Variants in SLC12A2 observed in about 807,000 individuals in gnomAD.
SLC12A2 encodes the protein Na-K-2Cl cotransporter 1.
In SLC12A2, 67 loss-of-function variants were observed where a neutral mutation model predicts 136.3. That is an observed-to-expected ratio of 0.49 (90% CI 0.40 to 0.60). The LOEUF (loss-of-function observed/expected upper bound fraction) is 0.60, where lower values mean the gene tolerates loss of function less well. Ranked by LOEUF, SLC12A2 falls within the 20% of genes least tolerant of loss-of-function variation. The pLI, the probability that SLC12A2 is intolerant of heterozygous loss-of-function variation, is 0.00. For missense variants in SLC12A2, 1,322 were observed against 1,534.7 expected, an observed-to-expected ratio of 0.86 and a Z score of 2.32; for synonymous variants, 619 against 562.9, an observed-to-expected ratio of 1.10 and a Z score of -1.41.
Position 128,148,755 on chromosome 5 carries a change from C to T in SLC12A2, c.1883C>T (p.Ala628Val), listed in dbSNP as rs1416365649. Residue 628 changes from alanine to valine, a missense_variant and splice_region_variant, in exon 12 of 27, where the codon GCT becomes GTT. This residue lies in a region of SLC12A2 where 294 missense variants were observed against 436.6 expected (regional missense o/e 0.67). Coordinates refer to ENST00000262461, the MANE Select transcript of SLC12A2 (RefSeq NM_001046.3). ...SLVSAPKIFQ[A>V]LCKDNIYPAF... is the part of the protein sequence containing the mutation. ...CATTTTAATGTTTTCTTTCATTAGG[C>T]TCTATGTAAGGACAACATCTACCCA... 2.5e-6 allele frequency: 4 copies of T among 1,582,576 alleles called. No individual in the cohort carries two copies. The highest frequency in any genetic ancestry group is 3.4e-6 in the Non-Finnish European group (4 of 1,169,446).
In SLC12A2 at chr5:128,084,523, G is replaced by A. The variant is rs1760000578; in HGVS notation, c.569G>A (p.Gly190Asp). The change falls in exon 1 of 27, where the codon GGC (glycine) becomes GAC (aspartate). Residue 190 changes from glycine to aspartate, a missense_variant. Gly to Asp is a moderately conservative substitution (Grantham distance 94, BLOSUM62 -1). Transcript: ENST00000262461. The surrounding 1 kb of genome is among the most constrained non-coding windows in gnomAD (Gnocchi z 5.6). ...GGCAGCAGCCTGCACTCCGGCGGCGGCGGCGGCAGTGGGCACCACCAGCAC... is the reference window on the plus strand; with the variant it reads ...GGCAGCAGCCTGCACTCCGGCGGCGACGGCGGCAGTGGGCACCACCAGCAC... ...SEGSSLHSGG[G>D]GGSGHHQHYY... 1 of 1,613,474 alleles carries A rather than the reference G, an allele frequency of 6.2e-7. No homozygotes were observed. Among genetic ancestry groups the A allele is most frequent in the Admixed American group, 1.7e-5 (1 of 60,002 alleles).
At chr5:128,113,537 T>C (rs1321295235) in intron 2 of SLC12A2, among the ~76,000 whole-genome samples, 2 of 152,150 alleles carry the variant, frequency 1.3e-5, no homozygotes, top group Non-Finnish European at 2.9e-5. Flanking sequence ...AAGCACTTAA[T>C]AGGGGTTGTA....
At chr5:128,178,762 C>G (rs892185216) in intron 22 of SLC12A2, 73 bp downstream of exon 22, 11 of 1,180,734 alleles carry the variant, frequency 9.3e-6, no homozygotes, top group Non-Finnish European at 1.3e-5. Context: ...ATGACATGCA[C>G]TCTTTACCTG....
At chr5:128,101,561 C>T (rs1216763696) in intron 1 of SLC12A2, among the ~76,000 whole-genome samples, 1 of 152,078 alleles carries the variant, frequency 6.6e-6, no homozygotes, top group East Asian at 1.9e-4. Flanking sequence ...GAAAGTAATA[C>T]ACTTTTGTAT....
rs1054343564 is a variant in SLC12A2, at chr5:128,145,732, T to C, written c.1774-1890T>C. ...TTATGTGTACATGAAATCAGACTTATGCATTGTGGACAGGGATTGTACCCG... is the reference window on the plus strand; with the variant it reads ...TTATGTGTACATGAAATCAGACTTACGCATTGTGGACAGGGATTGTACCCG... On this transcript the variant is annotated intron_variant, in intron 10 of 26. Coordinates refer to ENST00000262461, the MANE Select transcript of SLC12A2 (RefSeq NM_001046.3). 6.6e-5 allele frequency among the ~76,000 whole-genome samples: 10 copies of C among 152,168 alleles called. No individual in the cohort carries two copies. In the South Asian group the frequency reaches 1.0e-3, roughly 16 times the overall value.
intron 1 of SLC12A2, among the ~76,000 whole-genome samples, chr5:128,089,933 G>T (rs1043032999): frequency 1.3e-5 from 2 of 152,184 alleles, no homozygotes; most frequent in Admixed American, 6.5e-5. Context: ...TGTGTCTCTC[G>T]AGGGTGAGGG....
At chr5:128,169,240 CTT>C (rs1763295721) in intron 18 of SLC12A2, 1 of 148,756 alleles carries the variant, frequency 6.7e-6, no homozygotes, top group Admixed American at 6.7e-5. Context: ...TTAAAAAAAA[CTT>C]TTATTTACAA....
intron 1 of SLC12A2, among the ~76,000 whole-genome samples, chr5:128,102,915 C>T (rs1238029094): frequency 6.6e-6 from 1 of 152,034 alleles, no homozygotes; most frequent in Admixed American, 6.6e-5. Context: ...AGCCACTGTG[C>T]CCATCCCTTC....
intron 12 of SLC12A2, 112 bp from the exon 13 acceptor site, chr5:128,149,885 G>A (rs1762643712): frequency 2.7e-6 from 2 of 746,112 alleles, no homozygotes; most frequent in African/African-American, 3.5e-5. Context: ...TATGAAAGCT[G>A]GATGGTGGTT....
chr5:128,087,977 C>T (rs1760161601), intron 1 of SLC12A2, among the ~76,000 whole-genome samples: 1 of 141,380 alleles, frequency 7.1e-6, no homozygotes, highest in South Asian at 2.2e-4. Flanking sequence ...AAGACAAAGA[C>T]AACTTATTCC....
At chr5:128,107,328 A>G (rs1221534325) in intron 1 of SLC12A2, among the ~76,000 whole-genome samples, 1 of 152,180 alleles carries the variant, frequency 6.6e-6, no homozygotes, top group Non-Finnish European at 1.5e-5. Context: ...GTTCTAGCAT[A>G]CATGTGCAGA....
intron 4 of SLC12A2, among the ~76,000 whole-genome samples, chr5:128,123,001 C>T (rs1342264045): frequency 5.9e-5 from 9 of 152,012 alleles, no homozygotes; most frequent in Admixed American, 5.9e-4. Flanking sequence ...TTGTATTCTA[C>T]AAATAGCTCA....
Position 128,189,516 on chromosome 5 carries a change from G to T in SLC12A2, c.*2885G>T, listed in dbSNP as rs1251907144. 1 of 152,546 alleles carries T rather than the reference G, an allele frequency of 6.6e-6. No homozygotes were observed. Among genetic ancestry groups the T allele is most frequent in the Non-Finnish European group, 1.5e-5 (1 of 68,006 alleles). The allele number at this position is 152,546 out of a possible 1,614,324, so 9.4% of individuals were successfully genotyped here. A position where few individuals can be genotyped will look rare whatever the true frequency, so the allele number is the denominator to read the frequency against. On this transcript the variant is annotated 3_prime_UTR_variant, in exon 27 of 27. Coordinates refer to ENST00000262461, the MANE Select transcript of SLC12A2 (RefSeq NM_001046.3). ...GAAATAATTTAAAGATTTAAGCTCTGGTGGATGATTATCTGCTAAGTAAGT... is the reference window on the plus strand; with the variant it reads ...GAAATAATTTAAAGATTTAAGCTCTTGTGGATGATTATCTGCTAAGTAAGT...
At chr5:128,112,515 CA>C (rs1761189179) in intron 1 of SLC12A2, among the ~76,000 whole-genome samples, 3 of 152,128 alleles carry the variant, frequency 2.0e-5, no homozygotes, top group Admixed American at 2.0e-4. Flanking sequence ...CTGTAATTAG[CA>C]AACAGGAGTC....
In SLC12A2 at chr5:128,186,637, C is replaced by A. The variant is rs758104531; in HGVS notation, c.*6C>A. The A allele has an allele frequency of 6.2e-7, 1 of 1,613,774 alleles. No homozygotes were observed. Among genetic ancestry groups the A allele is most frequent in the Non-Finnish European group, 8.5e-7 (1 of 1,179,780 alleles). On this transcript the variant is annotated 3_prime_UTR_variant, in exon 27 of 27. Transcript: ENST00000262461. ...TCCTTACCTTCTATTCATAAATGTT[C>A]TATACAGTGGACAGCCCTCCAGAAT... is the stretch of plus-strand genomic sequence containing the variant.
At chr5:128,152,230 A>C (rs931906366) in intron 14 of SLC12A2, among the ~76,000 whole-genome samples, 6 of 152,214 alleles carry the variant, frequency 3.9e-5, no homozygotes, top group African/African-American at 1.4e-4. Flanking sequence ...TATTTCTCTA[A>C]CATACCTATC....
chr5:128,135,875 T>G (rs1762174426), intron 7 of SLC12A2, 67 bp downstream of exon 7: 1 of 904,198 alleles, frequency 1.1e-6, no homozygotes, highest in Non-Finnish European at 1.8e-6. Context: ...CAATTAAATT[T>G]TGTACATTTC....
chr5:128,091,239 CCCT>C (rs1760305106), intron 1 of SLC12A2, among the ~76,000 whole-genome samples: 1 of 151,938 alleles, frequency 6.6e-6, no homozygotes, highest in Non-Finnish European at 1.5e-5. Flanking sequence ...AGGGTTTTCC[CCCT>C]ATTTAGAATG....
chr5:128,150,009 T>G lies in SLC12A2; in HGVS notation c.2018T>G (p.Val673Gly). ...GTTTGTTCTGCAGCTGAACTGAATG[T>G]TATTGCACCAATTATCTCAAACTTC... ...LGFILIAELN[V>G]IAPIISNFFL... Residue 673 changes from valine (V) to glycine (G), a missense_variant, in exon 13 of 27, where the codon GTT becomes GGT. Physicochemically the swap from Val to Gly is moderately radical, Grantham distance 109 (BLOSUM62 -3). Around this residue, in one of 8 missense-constraint regions of SLC12A2, gnomAD observed 294 missense variants for 436.6 expected, o/e 0.67. Coordinates refer to ENST00000262461, the MANE Select transcript of SLC12A2 (RefSeq NM_001046.3). The G allele has an allele frequency of 6.2e-7, 1 of 1,609,386 alleles. No homozygotes were observed. The highest frequency in any genetic ancestry group is 8.5e-7 in the Non-Finnish European group (1 of 1,177,124).
Sources: allele counts gnomAD v4.1 joint callset (sites outside exome capture counted in the v4.1 genomes callset), GRCh38; gene constraint gnomAD v4.1.1; regional missense constraint gnomAD v4.1.1; non-coding constraint Gnocchi (gnomAD v3.1); transcripts MANE v1.5; gene names NCBI Gene and HGNC (gene_info 2026-07-23, HGNC 2026-07-21).